The following GPHN variants were observed in gnomAD, a reference collection of about 807,000 sequenced individuals.
GPHN encodes the protein gephyrin.
GPHN carries 17 observed loss-of-function variants against 95.5 expected under a neutral mutation model. That is an observed-to-expected ratio of 0.18 (90% CI 0.12 to 0.27). The LOEUF (loss-of-function observed/expected upper bound fraction) is 0.27, where lower values mean the gene tolerates loss of function less well. Ranked by LOEUF, GPHN falls within the 10% of genes least tolerant of loss-of-function variation. The probability of loss-of-function intolerance (pLI) is 1.00; values close to 1 mark genes in which losing one functional copy is unlikely to be tolerated. For missense variants in GPHN, 660 were observed against 978.1 expected (o/e 0.67, Z 4.34); for synonymous variants, 320 against 322.5 (o/e 0.99, Z 0.08).
At chr14:66,601,024 T>G (rs1297484988) in intron 1 of GPHN, among the ~76,000 whole-genome samples, 1 of 152,018 alleles carries the variant, frequency 6.6e-6, no homozygotes, top group Admixed American at 6.5e-5. Context: ...ATGTGTTCAT[T>G]TATTGGTCAT....
chr14:66,531,277 A>C (rs1360773853), intron 1 of GPHN, among the ~76,000 whole-genome samples: 2 of 152,084 alleles, frequency 1.3e-5, no homozygotes, highest in Non-Finnish European at 2.9e-5. Flanking sequence ...TTGGATTTTC[A>C]AATTTTCTTT....
At chr14:67,439,549 CT>C in the GPHN span, among the ~76,000 whole-genome samples, 41 of 61,516 alleles carry the variant, frequency 6.7e-4, no homozygotes, top group Non-Finnish European at 1.0e-3. Flanking sequence ...TTCTTTCTTT[CT>C]TTCTTTCTTT....
chr14:66,674,233 G>A (rs145867073), intron 1 of GPHN, among the ~76,000 whole-genome samples: 2,218 of 151,872 alleles, frequency 0.015, 22 homozygotes, highest in Non-Finnish European at 0.023. Flanking sequence ...CGAGTAGCTG[G>A]GACTACAGAC....
At chr14:66,741,402 A>G (rs2072780841) in intron 2 of GPHN, among the ~76,000 whole-genome samples, 1 of 152,204 alleles carries the variant, frequency 6.6e-6, no homozygotes, top group African/African-American at 2.4e-5. Context: ...GATGAGATTT[A>G]GAGCATAGTA....
the GPHN span, among the ~76,000 whole-genome samples, chr14:67,352,537 A>G: frequency 1.3e-5 from 2 of 152,214 alleles, no homozygotes; most frequent in African/African-American, 4.8e-5. Context: ...CATGGTGTTC[A>G]CTTTAGATTG....
the GPHN span, chr14:67,269,983 C>T: frequency 1.3e-5 from 2 of 152,184 alleles, no homozygotes; most frequent in African/African-American, 4.8e-5. Context: ...GAGTTCTGGA[C>T]ACTAGTGTAG....
chr14:67,650,722 A>G, the GPHN span: 5 of 1,613,836 alleles, frequency 3.1e-6, no homozygotes, highest in South Asian at 1.1e-5. Context: ...CAGGGTTGCT[A>G]TCAGCACTGG....
the GPHN span, chr14:67,650,655 G>T: frequency 6.8e-7 from 1 of 1,466,106 alleles, no homozygotes; most frequent in South Asian, 1.1e-5. Context: ...CCAGTGGGAT[G>T]ACCCTCACTG....
At chr14:66,554,496 C>T (rs916559824) in intron 1 of GPHN, among the ~76,000 whole-genome samples, 1 of 152,152 alleles carries the variant, frequency 6.6e-6, no homozygotes, top group Non-Finnish European at 1.5e-5. Flanking sequence ...TAGCAAGGAC[C>T]TTCTTCACAT....
chr14:66,673,643 G>A (rs2153386255), intron 1 of GPHN, among the ~76,000 whole-genome samples: 1 of 152,134 alleles, frequency 6.6e-6, no homozygotes, highest in South Asian at 2.1e-4. Context: ...GATAAATCAG[G>A]AAAAAGAAAA....
intron 9 of GPHN, among the ~76,000 whole-genome samples, chr14:66,975,742 G>T (rs940490294): frequency 6.6e-5 from 10 of 151,956 alleles, no homozygotes; most frequent in African/African-American, 9.7e-5. Flanking sequence ...TTAATTAGCT[G>T]GGCATGGTGG....
chr14:67,141,758 G>C (rs1339932266), intron 17 of GPHN, among the ~76,000 whole-genome samples: 1 of 152,094 alleles, frequency 6.6e-6, no homozygotes, highest in Non-Finnish European at 1.5e-5. Flanking sequence ...TTGTGTCTCT[G>C]GTAGGTCTCA....
chr14:67,535,626 T>G, the GPHN span, among the ~76,000 whole-genome samples: 8 of 152,132 alleles, frequency 5.3e-5, no homozygotes, highest in Non-Finnish European at 1.2e-4. Flanking sequence ...GTAAGCCGCC[T>G]GCCTCCACCT....
At chr14:67,091,940 T>C (rs1485944802) in intron 12 of GPHN, among the ~76,000 whole-genome samples, 1 of 152,060 alleles carries the variant, frequency 6.6e-6, no homozygotes, top group Non-Finnish European at 1.5e-5. Context: ...TGTTTCTTTC[T>C]TGCAAAGGGT....
chr14:66,948,102 T>C (rs564881655), intron 8 of GPHN, among the ~76,000 whole-genome samples: 2 of 152,324 alleles, frequency 1.3e-5, no homozygotes, highest in African/African-American at 2.4e-5. Flanking sequence ...CTATGCATTT[T>C]ATAAGTGCCA....
At chr14:66,776,832 C>G (rs2059398583) in intron 3 of GPHN, among the ~76,000 whole-genome samples, 1 of 152,064 alleles carries the variant, frequency 6.6e-6, no homozygotes, top group South Asian at 2.1e-4. Flanking sequence ...ATCTTTTTAT[C>G]TTGTTGCAAT....
the GPHN span, chr14:67,569,804 G>A: frequency 1.4e-6 from 1 of 705,350 alleles, no homozygotes; most frequent in South Asian, 1.6e-5. Context: ...CCCCCCTCTT[G>A]AGATCTGTCA....
At chr14:67,195,430 C>T in the GPHN span, among the ~76,000 whole-genome samples, 1 of 152,128 alleles carries the variant, frequency 6.6e-6, no homozygotes, top group South Asian at 2.1e-4. Context: ...TCCTAAATGA[C>T]AGCAGTGGAA....
At chr14:67,732,658 C>T in the GPHN span, among the ~76,000 whole-genome samples, 21 of 152,010 alleles carry the variant, frequency 1.4e-4, no homozygotes, top group African/African-American at 5.1e-4. Context: ...CTCACTGCAA[C>T]CTCTGCCTCC....
Sources: gnomAD v4.1 joint callset for allele counts (sites outside exome capture counted in the v4.1 genomes callset) on GRCh38, gnomAD v4.1.1 for gene constraint, MANE v1.5 for transcripts, NCBI Gene and HGNC (gene_info 2026-07-23, HGNC 2026-07-21) for gene names.